PSMG2: variants seen among roughly 807,000 people sequenced by gnomAD.
PSMG2 encodes proteasome assembly chaperone 2.
In PSMG2, 21 loss-of-function variants were observed where a neutral mutation model predicts 31.5. The ratio of observed to expected loss-of-function variants is 0.67; its 90% CI spans 0.47 to 0.96. PSMG2 has a LOEUF of 0.96. PSMG2 is among the 40% of genes least tolerant of loss of function. PSMG2 has a pLI of 0.00. For synonymous variants in PSMG2, 120 were observed against 110.4 expected (o/e 1.09, Z -0.54); for missense variants, 318 against 321.2 (o/e 0.99, Z 0.08).
intron 1 of PSMG2, among the ~76,000 whole-genome samples, chr18:12,695,955 C>T (rs1008815477): frequency 2.0e-5 from 3 of 151,924 alleles, no homozygotes; most frequent in Admixed American, 6.6e-5. Flanking sequence ...TATCCAATTA[C>T]AGGCTGAGTA....
intron 3 of PSMG2, among the ~76,000 whole-genome samples, chr18:12,715,071 C>G (rs956460064): frequency 6.7e-6 from 1 of 149,666 alleles, no homozygotes; most frequent in Admixed American, 6.6e-5. Flanking sequence ...TTCAGTGGTG[C>G]AATCTCAGCT....
At chr18:12,662,654 A>C (rs929641266) in intron 1 of PSMG2, among the ~76,000 whole-genome samples, 3 of 152,176 alleles carry the variant, frequency 2.0e-5, no homozygotes, top group African/African-American at 7.2e-5. Context: ...GTGCACACCT[A>C]TAATCCCAGC....
At chr18:12,692,890 A>G (rs938477165) in intron 1 of PSMG2, among the ~76,000 whole-genome samples, 3 of 152,198 alleles carry the variant, frequency 2.0e-5, no homozygotes, top group African/African-American at 7.2e-5. Flanking sequence ...CTGCATGATC[A>G]TGGCTCACTG....
chr18:12,665,322 G>T (rs112442588), intron 1 of PSMG2, among the ~76,000 whole-genome samples: 19 of 152,326 alleles, frequency 1.2e-4, no homozygotes, highest in African/African-American at 4.6e-4. Flanking sequence ...AGCTACTCGG[G>T]AGGCTGAGGT....
chr18:12,707,048 CG>C (rs2040276211), intron 2 of PSMG2, among the ~76,000 whole-genome samples: 1 of 152,122 alleles, frequency 6.6e-6, no homozygotes, highest in South Asian at 2.1e-4. Flanking sequence ...CTCCGCCTCC[CG>C]GGTTCACGCC....
chr18:12,688,770 G>A (rs543515742), intron 1 of PSMG2, among the ~76,000 whole-genome samples: 1 of 152,202 alleles, frequency 6.6e-6, no homozygotes, highest in East Asian at 1.9e-4. Context: ...TCAGTACATG[G>A]CTGGTGGCTA....
chr18:12,692,640 A>G (rs904257780), intron 1 of PSMG2, among the ~76,000 whole-genome samples: 3 of 152,166 alleles, frequency 2.0e-5, no homozygotes, highest in Admixed American at 1.3e-4. Flanking sequence ...ATAATTCTCC[A>G]TAAAACACCT....
chr18:12,697,778 G>C (rs747462960), intron 1 of PSMG2, among the ~76,000 whole-genome samples: 4 of 152,064 alleles, frequency 2.6e-5, no homozygotes, highest in Non-Finnish European at 5.9e-5. Flanking sequence ...TTAACCTCCA[G>C]AAATTATCAC....
intron 5 of PSMG2, among the ~76,000 whole-genome samples, chr18:12,721,693 A>G (rs898739021): frequency 7.9e-5 from 12 of 151,418 alleles, no homozygotes; most frequent in Admixed American, 7.2e-4. Flanking sequence ...TTTGCTGATT[A>G]TTGTTTTTCT....
chr18:12,684,631 C>T (rs1234518566), intron 1 of PSMG2: 5 of 151,996 alleles, frequency 3.3e-5, no homozygotes, highest in African/African-American at 1.2e-4. Context: ...CAGGAGCCCG[C>T]CACCATGGCT....
intron 1 of PSMG2, among the ~76,000 whole-genome samples, chr18:12,668,600 A>AAAAAAC (rs2038856759): frequency 1.9e-5 from 1 of 52,610 alleles, no homozygotes; most frequent in Non-Finnish European, 5.1e-5. Flanking sequence ...TCCATCTCAA[A>AAAAAAC]AAAAAAAAAA....
At chr18:12,723,465 T>C (rs1479129997) in intron 5 of PSMG2, among the ~76,000 whole-genome samples, 1 of 152,142 alleles carries the variant, frequency 6.6e-6, no homozygotes, top group Non-Finnish European at 1.5e-5. Context: ...AATCTTTTTT[T>C]CTTCATTTGC....
At chr18:12,706,256 G>A (rs1385926621) in intron 1 of PSMG2, among the ~76,000 whole-genome samples, 5 of 152,206 alleles carry the variant, frequency 3.3e-5, no homozygotes, top group African/African-American at 4.8e-5. Flanking sequence ...ATCACCTGAG[G>A]TCGGTGGATC....
intron 1 of PSMG2, chr18:12,658,880 G>A (rs186724614): frequency 7.0e-6 from 2 of 285,170 alleles, no homozygotes; most frequent in Non-Finnish European, 7.1e-6. Context: ...GCAGGTGTTA[G>A]TTTTAGCGTC....
chr18:12,687,454 A>ATTTTT (rs1259960536), intron 1 of PSMG2, among the ~76,000 whole-genome samples: 1 of 140,736 alleles, frequency 7.1e-6, no homozygotes, highest in Non-Finnish European at 1.6e-5. Flanking sequence ...GAAGGCATCA[A>ATTTTT]TTTTTTTTTT....
upstream of PSMG2, chr18:12,698,997 C>G (rs1231129169): frequency 6.2e-7 from 1 of 1,612,134 alleles, no homozygotes. Flanking sequence ...TCTCTGTGTA[C>G]TTCAAGTAAA....
At chr18:12,674,441 TAAA>T (rs34769779) in intron 1 of PSMG2, 19,268 of 696,122 alleles carry the variant, frequency 0.028, no homozygotes, top group South Asian at 0.04. Context: ...GACCTTGAGT[TAAA>T]AAAAAAAAAA....
chr18:12,661,462 C>T (rs2144935218), intron 1 of PSMG2: 1 of 527,124 alleles, frequency 1.9e-6, no homozygotes, highest in South Asian at 8.3e-5. Flanking sequence ...CCCATTTTCT[C>T]ATTTTCAATT....
intron 2 of PSMG2, among the ~76,000 whole-genome samples, chr18:12,710,072 A>C (rs895843305): frequency 1.5e-4 from 22 of 151,446 alleles, no homozygotes; most frequent in Non-Finnish European, 4.4e-5. Flanking sequence ...CCTCCCAAGT[A>C]GCTGGGACTA....
Sources: allele counts gnomAD v4.1 joint callset (sites outside exome capture counted in the v4.1 genomes callset), GRCh38; gene constraint gnomAD v4.1.1; transcripts MANE v1.5; gene names NCBI Gene and HGNC (gene_info 2026-07-23, HGNC 2026-07-21).